Variants in QRICH2 observed in about 807,000 individuals in gnomAD.
QRICH2 encodes glutamine-rich protein 2.
QRICH2 carries 119 observed loss-of-function variants against 168.3 expected under a neutral mutation model. That is an observed-to-expected ratio of 0.71 (90% confidence interval 0.61 to 0.82). The LOEUF (loss-of-function observed/expected upper bound fraction) is 0.82. Among genes scored for constraint, QRICH2 ranks in the 40% least tolerant of loss-of-function variants. The pLI is 0.00. For missense variants in QRICH2, 2,241 were observed against 2,491.6 expected, an observed-to-expected ratio of 0.90 and a Z score of 2.14; for synonymous variants, 894 against 951.2, an observed-to-expected ratio of 0.94 and a Z score of 1.11.
chr17:76,293,693 C>A lies in QRICH2; in HGVS notation c.1034G>T (p.Arg345Ile), dbSNP rs775529798. The A allele has an allele frequency of 6.2e-7, 1 of 1,614,186 alleles. No homozygotes were observed. The highest frequency in any genetic ancestry group is 1.1e-5 in the South Asian group (1 of 91,082). The change falls in exon 4 of 19, where the codon AGA becomes ATA. Residue 345 changes from arginine to isoleucine, a missense_variant. Physicochemically the swap from Arg to Ile is moderately conservative, Grantham distance 97. Around this residue, in one of 3 missense-constraint regions of QRICH2, gnomAD observed 2,047 missense variants for 2,303.8 expected, o/e 0.89. Coordinates refer to ENST00000680821, the MANE Select transcript of QRICH2 (RefSeq NM_001388453.1). ...TGGTTGTGTCGAGGTAAGCTTCTCT[C>A]TACTCCTGTGACGATCTGAGTCTGA... ...FKSDSDRHRS[R>I]EKLTSTQPRR...
At position 76,307,819 on chromosome 17, in the gene QRICH2, C is replaced by A; in HGVS notation, c.180G>T (p.Ser60=). ...TGAACGAGCTCCGGACGGACTGCAG[C>A]GAGCGGCTGGGCTCGGGCGACGAGG... ...FQPSSPEPSR[S]LQSVRSSFSI... The change falls in exon 1 of 19, where the codon TCG becomes TCT. Residue 60 remains serine, a synonymous_variant. Transcript: ENST00000680821. The surrounding 1 kb of genome is among the most constrained non-coding windows in gnomAD (Gnocchi z 5.3). 1 of 1,294,680 alleles carries A rather than the reference C, an allele frequency of 7.7e-7. No homozygotes were observed. Among genetic ancestry groups the A allele is most frequent in the South Asian group, 2.6e-5 (1 of 38,912 alleles). 80.2% of individuals were successfully genotyped at this position (1,294,680 alleles called of 1,614,324 possible). A position where few individuals can be genotyped will look rare whatever the true frequency, so the allele number is the denominator to read the frequency against.
intron 17 of QRICH2, 35 bp downstream of exon 17, chr17:76,276,645 C>A (rs747244112): frequency 1.3e-6 from 2 of 1,555,470 alleles, no homozygotes; most frequent in South Asian, 2.2e-5. Context: ...GTGGGACCCA[C>A]GTGAGGTGCC....
chr17:76,291,521 C>T lies in QRICH2; in HGVS notation c.3206G>A (p.Gly1069Glu), dbSNP rs2070991565. The T allele has an allele frequency of 1.2e-6, 2 of 1,612,968 alleles. No homozygotes were observed. Among genetic ancestry groups the T allele is most frequent in the Non-Finnish European group, 1.7e-6 (2 of 1,179,524 alleles). Residue 1069 changes from glycine to glutamate, a missense_variant, in exon 4 of 19, where the codon GGA becomes GAA. Around this residue, in one of 3 missense-constraint regions of QRICH2, gnomAD observed 2,047 missense variants for 2,303.8 expected, o/e 0.89. Transcript: ENST00000680821. Reference protein sequence around the residue: ...HSPIPLSTGLGSTHPDQQHVA... With the variant: ...HSPIPLSTGLESTHPDQQHVA... ...ATGCTGTTGATCTGGGTGTGTAGAT[C>T]CCAAACCTGTACTCAGTGGTATTGG...
chr17:76,293,500 TG>T lies in QRICH2; in HGVS notation c.1226del (p.Pro409HisfsTer24). 6.2e-7 allele frequency: 1 copy of T among 1,614,210 alleles called. No individual in the cohort carries two copies. The highest frequency in any genetic ancestry group is 1.1e-5 in the South Asian group (1 of 91,088). On this transcript the variant is annotated frameshift_variant, in exon 4 of 19. Transcript: ENST00000680821. LOFTEE classifies it high-confidence loss of function. ...CCATGCTGAGGGGTACCACACCATG[TG>T]GGTAAGTGCTAGCAGGCACTAATCC... Reference protein sequence around the residue: ...QPGLVPASTYPHGVVPLSMGQ... With the variant: ...QPGLVPASTYXHGVVPLSMGQ...
chr17:76,277,092 T>C (rs1363398605), intron 16 of QRICH2, 71 bp downstream of exon 16: 19 of 1,460,088 alleles, frequency 1.3e-5, no homozygotes, highest in African/African-American at 2.9e-5. Context: ...CTGGTGGCTT[T>C]AGAGAATGAC....
rs2070787126 is a variant in QRICH2 at position 76,281,498 on chromosome 17, C to T, written c.4263+366G>A. Reference sequence around the variant, plus strand: ...GCCCCCACCAGCAAGCCTGCCCTTTCTAGGGAAATTGAGAAGGGGTTGGAA... The same window carrying T: ...GCCCCCACCAGCAAGCCTGCCCTTTTTAGGGAAATTGAGAAGGGGTTGGAA... On this transcript the variant is annotated intron_variant, in intron 8 of 18. Coordinates refer to ENST00000680821, the MANE Select transcript of QRICH2 (RefSeq NM_001388453.1). This position sits in a 1 kb window ranked among gnomAD's most constrained non-coding sequence, Gnocchi z 4.4. Among the ~76,000 whole-genome samples, 1 of 152,190 alleles carries T rather than the reference C, an allele frequency of 6.6e-6. No individual in the cohort carries two copies. Among genetic ancestry groups the T allele is most frequent in the East Asian group, 1.9e-4 (1 of 5,192 alleles).
chr17:76,302,016 A>C (rs2143385521), intron 3 of QRICH2, among the ~76,000 whole-genome samples: 1 of 152,090 alleles, frequency 6.6e-6, no homozygotes, highest in South Asian at 2.1e-4. Context: ...TTCCTGCCTC[A>C]GCCTCCCAAG....
At chr17:76,305,518 T>A (rs1272843518) in intron 1 of QRICH2, among the ~76,000 whole-genome samples, 1 of 152,116 alleles carries the variant, frequency 6.6e-6, no homozygotes, top group Non-Finnish European at 1.5e-5. Context: ...CCCAGCCAAG[T>A]GCAGGAAGGG....
chr17:76,290,989 C>T, intron 4 of QRICH2, 26 bp downstream of exon 4: 1 of 1,600,372 alleles, frequency 6.2e-7, no homozygotes. Context: ...ACAATGGTTT[C>T]TCCTCTATCG....
At chr17:76,300,854 C>A (rs1206985729) in intron 3 of QRICH2, among the ~76,000 whole-genome samples, 1 of 152,100 alleles carries the variant, frequency 6.6e-6, no homozygotes, top group Non-Finnish European at 1.5e-5. Context: ...GAGTTTAAGA[C>A]CAGCCTGGCC....
At chr17:76,301,928 C>A (rs2070910836) in intron 3 of QRICH2, among the ~76,000 whole-genome samples, 1 of 149,386 alleles carries the variant, frequency 6.7e-6, no homozygotes, top group South Asian at 2.1e-4. Context: ...GAGACAGAGT[C>A]TCACTCTGTC....
In QRICH2 at chr17:76,291,414, T is replaced by C. The variant is rs765144671; in HGVS notation, c.3313A>G (p.Ser1105Gly). The C allele has an allele frequency of 6.2e-7, 1 of 1,614,028 alleles. No homozygotes were observed. The highest frequency in any genetic ancestry group is 1.7e-5 in the Admixed American group (1 of 60,008). The stretch of plus-strand genomic sequence containing the variant: ...TAACCAGGATACATTGAATCATGAC[T>C]GTCAAAGAGAGAGAAAGCATGGCCA... ...QHGHAFSLFD[S>G]HDSMYPGYRG... The change falls in exon 4 of 19, where the codon AGT becomes GGT. Residue 1105 changes from serine (S) to glycine (G), a missense_variant. By Grantham distance (56) the Ser-to-Gly change is moderately conservative (BLOSUM62 0). This residue lies in a region of QRICH2 where 2,047 missense variants were observed against 2,303.8 expected (regional missense o/e 0.89). Transcript: ENST00000680821.
intron 3 of QRICH2, among the ~76,000 whole-genome samples, chr17:76,303,727 G>T (rs972338770): frequency 2.4e-4 from 36 of 152,038 alleles, no homozygotes; most frequent in Admixed American, 1.3e-4. Context: ...AAAGAAATTA[G>T]CCAGGCGTGG....
At chr17:76,301,337 G>A in intron 3 of QRICH2, 1 of 162,676 alleles carries the variant, frequency 6.1e-6, no homozygotes, top group Non-Finnish European at 1.4e-5. Context: ...GGAGGCCGAG[G>A]CGGGTGGATC....
chr17:76,287,942 C>T (rs769321702), intron 5 of QRICH2, 45 bp from the exon 6 acceptor site: 37 of 1,504,100 alleles, frequency 2.5e-5, no homozygotes, highest in South Asian at 3.4e-5. Context: ...CCTGAGCTCC[C>T]GCTTCCCAAG....
intron 7 of QRICH2, among the ~76,000 whole-genome samples, chr17:76,285,018 G>A (rs1294399246): frequency 3.3e-5 from 5 of 150,330 alleles, no homozygotes; most frequent in Non-Finnish European, 5.9e-5. Flanking sequence ...CCAGTGGCGC[G>A]ATCATGGCTC....
intron 3 of QRICH2, among the ~76,000 whole-genome samples, chr17:76,294,862 T>C (rs1250675004): frequency 2.0e-5 from 3 of 150,712 alleles, no homozygotes; most frequent in African/African-American, 4.9e-5. Flanking sequence ...TGGGGAAAAC[T>C]GCAAAATACA....
At chr17:76,303,064 G>T (rs346788) in intron 3 of QRICH2, among the ~76,000 whole-genome samples, 21,137 of 151,714 alleles carry the variant, frequency 0.14, 1,528 homozygotes, top group South Asian at 0.2. Flanking sequence ...TTGTATTTTT[G>T]GTAGGGACAG....
chr17:76,302,669 G>A (rs2070926043), intron 3 of QRICH2, among the ~76,000 whole-genome samples: 1 of 152,158 alleles, frequency 6.6e-6, no homozygotes, highest in Non-Finnish European at 1.5e-5. Flanking sequence ...AGCTGCCAGA[G>A]GAAACCAGCC....
Sources: gnomAD v4.1 joint callset for allele counts (sites outside exome capture counted in the v4.1 genomes callset) on GRCh38, gnomAD v4.1.1 for gene constraint, gnomAD v4.1.1 regional missense constraint, Gnocchi (gnomAD v3.1) non-coding constraint, MANE v1.5 for transcripts, NCBI Gene and HGNC (gene_info 2026-07-23, HGNC 2026-07-21) for gene names.